BAIAP2: variants seen among roughly 807,000 people sequenced by gnomAD.
BAIAP2 encodes BAR/IMD domain containing adaptor protein 2.
Under a neutral mutation model 63.0 loss-of-function variants are expected in BAIAP2, and 18 were observed. The observed-to-expected ratio is 0.29, with a 90% confidence interval of 0.20 to 0.42. The LOEUF (loss-of-function observed/expected upper bound fraction) is 0.42. Ranked by LOEUF, BAIAP2 falls within the 10% of genes least tolerant of loss-of-function variation. The probability of loss-of-function intolerance (pLI) is 1.00; values close to 1 mark genes in which losing one functional copy is unlikely to be tolerated. For missense variants in BAIAP2, 610 were observed against 734.3 expected (o/e 0.83, Z 1.96); for synonymous variants, 386 against 307.6 (o/e 1.25, Z -2.67).
chr17:81,053,506 G>C (rs968379128), intron 1 of BAIAP2, 162 bp from the exon 2 acceptor site: 2 of 713,144 alleles, frequency 2.8e-6, no homozygotes, highest in Admixed American at 2.3e-5. Context: ...ATTGATCAGG[G>C]GCATGGCTGG....
chr17:81,076,671 A>G (rs142503608), intron 3 of BAIAP2, among the ~76,000 whole-genome samples: 6 of 152,316 alleles, frequency 3.9e-5, no homozygotes, highest in Admixed American at 2.0e-4. Flanking sequence ...TCGTGTATCC[A>G]TAGGGTGAAG....
At chr17:81,085,008 G>A (rs2055323526) in intron 4 of BAIAP2, 115 bp downstream of exon 4, 4 of 1,049,146 alleles carry the variant, frequency 3.8e-6, no homozygotes, top group Non-Finnish European at 5.8e-6. Context: ...AGCCACACTC[G>A]GAGGCAGGGA....
chr17:81,055,216 C>T (rs8080525), intron 2 of BAIAP2, among the ~76,000 whole-genome samples: 10,304 of 152,204 alleles, frequency 0.068, 489 homozygotes, highest in Admixed American at 0.12. Context: ...ACCTTTACTC[C>T]GTTGTCACCT....
chr17:81,094,499 T>G (rs950334596), intron 6 of BAIAP2, among the ~76,000 whole-genome samples: 2 of 152,130 alleles, frequency 1.3e-5, no homozygotes, highest in Non-Finnish European at 2.9e-5. Flanking sequence ...TGTAATGCCT[T>G]CCTTGGGGAG....
chr17:81,107,613 C>T (rs1263003355), intron 12 of BAIAP2: 1 of 152,404 alleles, frequency 6.6e-6, no homozygotes, highest in African/African-American at 2.4e-5. Context: ...GCTCCTCAGC[C>T]AGAGGTCCAG....
Position 81,070,032 on chromosome 17 carries a change from C to T in BAIAP2, c.217+12065C>T, listed in dbSNP as rs182462352. On this transcript the variant is annotated intron_variant, in intron 3 of 13. Coordinates refer to ENST00000428708, the MANE Select transcript of BAIAP2 (RefSeq NM_001144888.2). ...GCTAGAGTGTGGTGGCGCAGTCATA[C>T]ATAGCTCATTGCAGCCTCCTGGGCT... Among the ~76,000 whole-genome samples, 998 of 152,296 alleles carry T rather than the reference C, an allele frequency of 6.6e-3. 7 individuals carry two copies. The highest frequency in any genetic ancestry group is 8.1e-3 in the Non-Finnish European group (549 of 68,032).
intron 1 of BAIAP2, among the ~76,000 whole-genome samples, chr17:81,044,905 C>T (rs990322403): frequency 6.6e-6 from 1 of 152,230 alleles, no homozygotes; most frequent in African/African-American, 2.4e-5. Flanking sequence ...GGCCGGACAC[C>T]CCGTGAGGCT....
chr17:81,104,227 C>T (rs935518028), intron 9 of BAIAP2, 119 bp downstream of exon 9: 25 of 1,123,866 alleles, frequency 2.2e-5, no homozygotes, highest in South Asian at 5.7e-5. Flanking sequence ...ATTATGTGAC[C>T]GTGTGTACCT....
In BAIAP2 at chr17:81,046,731, T is replaced by C. The variant is rs996779550; in HGVS notation, c.55-6937T>C. ...CTGCAGGGCCCCTCCTGTACCTCCC[T>C]AGTCCATGCTGTACATGTGGCCGGG... On this transcript the variant is annotated intron_variant, in intron 1 of 13. Coordinates refer to ENST00000428708, the MANE Select transcript of BAIAP2 (RefSeq NM_001144888.2). This position sits in a 1 kb window ranked among gnomAD's most constrained non-coding sequence, Gnocchi z 4.5. Among the ~76,000 whole-genome samples the C allele has an allele frequency of 4.6e-5, 7 of 151,894 alleles. No homozygotes were observed. The highest frequency in any genetic ancestry group is 1.5e-4 in the African/African-American group (6 of 41,332).
Position 81,116,940 on chromosome 17 carries a change from G to T in BAIAP2, c.*1101G>T. On this transcript the variant is annotated 3_prime_UTR_variant, in exon 14 of 14. Transcript: ENST00000428708. ...GGAGGGTGCAGGGAAGCCCAGCTGT[G>T]CTCAACTCTCCTGCCTCCGCCTTCC... 1 of 152,818 alleles carries T rather than the reference G, an allele frequency of 6.5e-6. No homozygotes were observed. The highest frequency in any genetic ancestry group is 1.5e-5 in the Non-Finnish European group (1 of 68,372). The allele number at this position is 152,818 out of a possible 1,614,324, so 9.5% of individuals were successfully genotyped here.
chr17:81,085,419 C>T (rs2055409214), intron 4 of BAIAP2: 1 of 667,602 alleles, frequency 1.5e-6, no homozygotes, highest in Non-Finnish European at 2.8e-6. Context: ...TCCCTTGTGG[C>T]TGTTTGGAGG....
At chr17:81,050,266 G>A (rs1237112948) in intron 1 of BAIAP2, among the ~76,000 whole-genome samples, 1 of 152,200 alleles carries the variant, frequency 6.6e-6, no homozygotes, top group Non-Finnish European at 1.5e-5. Context: ...CATTGCCTTC[G>A]GGCCAGGACA....
Position 81,103,696 on chromosome 17 carries a change from G to C in BAIAP2, c.837G>C (p.Val279=). ...TTCCGGGGGCCAAGCCCCTGCCGGTGCCCCCCGAGCTGGCACCGTTCGTGG... is the reference window on the plus strand; with the variant it reads ...TTCCGGGGGCCAAGCCCCTGCCGGTCCCCCCCGAGCTGGCACCGTTCGTGG... ...DPIPGAKPLP[V]PPELAPFVGR... The change falls in exon 8 of 14, where the codon GTG becomes GTC. Residue 279 remains valine (V), a synonymous_variant. Coordinates refer to ENST00000428708, the MANE Select transcript of BAIAP2 (RefSeq NM_001144888.2). 2 of 1,591,464 alleles carry C rather than the reference G, an allele frequency of 1.3e-6. No individual in the cohort carries two copies. Among genetic ancestry groups the C allele is most frequent in the Non-Finnish European group, 1.7e-6 (2 of 1,169,714 alleles).
At chr17:81,074,193 C>T (rs755838597) in intron 3 of BAIAP2, among the ~76,000 whole-genome samples, 10 of 152,224 alleles carry the variant, frequency 6.6e-5, no homozygotes, top group Non-Finnish European at 1.3e-4. Flanking sequence ...TCTTAGGACA[C>T]AGCTGCAGTA....
intron 8 of BAIAP2, 39 bp downstream of exon 8, chr17:81,103,762 TG>T (rs751642315): frequency 8.3e-6 from 8 of 960,384 alleles, no homozygotes; most frequent in Non-Finnish European, 1.2e-5. Flanking sequence ...CGGGTGTGGG[TG>T]GGAGGGCAGC....
chr17:81,038,054 C>T (rs1185120988), intron 1 of BAIAP2, among the ~76,000 whole-genome samples: 5 of 152,170 alleles, frequency 3.3e-5, no homozygotes, highest in Non-Finnish European at 7.3e-5. Context: ...GGGGGCACTG[C>T]GTGGGCTGGG....
At chr17:81,110,197 G>A (rs748953407) in intron 13 of BAIAP2, 12 of 985,718 alleles carry the variant, frequency 1.2e-5, no homozygotes, top group Non-Finnish European at 1.4e-5. Flanking sequence ...ACACCTCCCC[G>A]TGGCCTGGGA....
At chr17:81,058,013 C>T (rs758979430) in intron 3 of BAIAP2, 46 bp downstream of exon 3, 9 of 1,356,852 alleles carry the variant, frequency 6.6e-6, no homozygotes, top group Non-Finnish European at 7.0e-6. Flanking sequence ...CTGATGCCCT[C>T]AGGCAGCTCT....
intron 3 of BAIAP2, among the ~76,000 whole-genome samples, chr17:81,070,614 G>A (rs1008035208): frequency 6.6e-6 from 1 of 152,200 alleles, no homozygotes; most frequent in Admixed American, 6.5e-5. Context: ...CTGCAGCTGT[G>A]GGAGCTGGGC....
Sources: gnomAD v4.1 joint callset for allele counts (sites outside exome capture counted in the v4.1 genomes callset) on GRCh38, gnomAD v4.1.1 for gene constraint, Gnocchi (gnomAD v3.1) non-coding constraint, MANE v1.5 for transcripts, NCBI Gene and HGNC (gene_info 2026-07-23, HGNC 2026-07-21) for gene names.